Variants in FXN observed in about 807,000 individuals in gnomAD.
FXN encodes frataxin, also known as frataxin, mitochondrial.
Under a neutral mutation model 22.4 loss-of-function variants are expected in FXN, and 14 were observed. The observed-to-expected ratio is 0.62, with a 90% CI of 0.41 to 0.98. The LOEUF (loss-of-function observed/expected upper bound fraction) is 0.98, where lower values mean the gene tolerates loss of function less well. Ranked by LOEUF, FXN falls within the 50% of genes least tolerant of loss-of-function variation. The probability of loss-of-function intolerance (pLI) is 0.00; values close to 1 mark genes in which losing one functional copy is unlikely to be tolerated. For synonymous variants in FXN, 120 were observed against 114.1 expected, an observed-to-expected ratio of 1.05 and a Z score of -0.33; for missense variants, 267 against 268.4, an observed-to-expected ratio of 0.99 and a Z score of 0.04.
intron 4 of FXN, among the ~76,000 whole-genome samples, chr9:69,070,743 C>T (rs1191462817): frequency 6.6e-6 from 1 of 151,302 alleles, no homozygotes; most frequent in Non-Finnish European, 1.5e-5. Flanking sequence ...TTTTTTCTCT[C>T]AGCCTTTCAC....
intron 4 of FXN, chr9:69,071,100 C>CATCA (rs1191763233): frequency 2.1e-6 from 1 of 474,116 alleles, no homozygotes; most frequent in Non-Finnish European, 4.2e-6. Context: ...GACACGTGGG[C>CATCA]ATCAGTGCCT....
At chr9:69,057,854 CTG>C (rs1831988522) in intron 3 of FXN, among the ~76,000 whole-genome samples, 1 of 152,098 alleles carries the variant, frequency 6.6e-6, no homozygotes, top group Non-Finnish European at 1.5e-5. Context: ...ACTGATCCCT[CTG>C]TGTTATAATT....
rs1374789309 is a variant in FXN, at chr9:69,076,686, AG to A, written c.*3926del. 1 of 985,308 alleles carries A rather than the reference AG, an allele frequency of 1.0e-6. No homozygotes were observed. Among genetic ancestry groups the A allele is most frequent in the Non-Finnish European group, 1.2e-6 (1 of 829,940 alleles). 61.0% of individuals were successfully genotyped at this position (985,308 alleles called of 1,614,324 possible). A position where few individuals can be genotyped will look rare whatever the true frequency, so the allele number is the denominator to read the frequency against. ...GGAGTTTGTGTGGACTAACCATGCA[AG>A]GTTGCCAAGGAAAAATCGCTTTACG... is the stretch of plus-strand genomic sequence containing the variant. On this transcript the variant is annotated 3_prime_UTR_variant, in exon 5 of 5. Coordinates refer to ENST00000484259, the MANE Select transcript of FXN (RefSeq NM_000144.5).
chr9:69,036,743 G>T (rs2133088639), intron 1 of FXN, among the ~76,000 whole-genome samples: 1 of 152,314 alleles, frequency 6.6e-6, no homozygotes, highest in East Asian at 1.9e-4. Context: ...CCTTTGGGGG[G>T]TACAAAGAAA....
chr9:69,066,602 G>C (rs1832168897), intron 4 of FXN, among the ~76,000 whole-genome samples: 1 of 152,154 alleles, frequency 6.6e-6, no homozygotes, highest in African/African-American at 2.4e-5. Context: ...GCTTGAGCCT[G>C]TGTGTTCTTA....
chr9:69,049,063 G>A (rs1831808100), intron 2 of FXN, among the ~76,000 whole-genome samples: 1 of 152,146 alleles, frequency 6.6e-6, no homozygotes, highest in Non-Finnish European at 1.5e-5. Flanking sequence ...GGTTGCATAG[G>A]GCCCTTGCAG....
intron 1 of FXN, among the ~76,000 whole-genome samples, chr9:69,045,328 G>C (rs1264052439): frequency 6.6e-6 from 1 of 152,084 alleles, no homozygotes; most frequent in Non-Finnish European, 1.5e-5. Context: ...ATAGGGCTGG[G>C]TGCGGTGGCT....
Position 69,078,993 on chromosome 9 carries a change from A to G in FXN, c.*6231A>G, listed in dbSNP as rs1832419319. Reference sequence around the variant, plus strand: ...GCATCTTGCACAGTTCCTTGCACACAATTAGAGCTCTATAAATGTCAAATA... The same window carrying G: ...GCATCTTGCACAGTTCCTTGCACACGATTAGAGCTCTATAAATGTCAAATA... On this transcript the variant is annotated 3_prime_UTR_variant, in exon 5 of 5. Coordinates refer to ENST00000484259, the MANE Select transcript of FXN (RefSeq NM_000144.5). 1.1e-6 allele frequency: 1 copy of G among 871,354 alleles called. No individual in the cohort carries two copies. The highest frequency in any genetic ancestry group is 1.4e-6 in the Non-Finnish European group (1 of 726,118). The allele number at this position is 871,354 out of a possible 1,614,324, so 54.0% of individuals were successfully genotyped here. A position where few individuals can be genotyped will look rare whatever the true frequency, so the allele number is the denominator to read the frequency against.
intron 1 of FXN, among the ~76,000 whole-genome samples, chr9:69,040,312 C>G (rs551637575): frequency 1.1e-4 from 16 of 152,334 alleles, no homozygotes; most frequent in Admixed American, 2.6e-4. Context: ...CACTCACTTT[C>G]AAATCATTTT....
intron 1 of FXN, among the ~76,000 whole-genome samples, chr9:69,036,916 A>C (rs1318178645): frequency 6.6e-6 from 1 of 152,148 alleles, no homozygotes; most frequent in Non-Finnish European, 1.5e-5. Flanking sequence ...GTCTGGGCAA[A>C]GGCCAGGAAG....
At chr9:69,048,378 G>A (rs1176043648) in intron 2 of FXN, among the ~76,000 whole-genome samples, 1 of 152,070 alleles carries the variant, frequency 6.6e-6, no homozygotes, top group African/African-American at 2.4e-5. Context: ...GCCGAGGTGA[G>A]CAGATCACTG....
chr9:69,040,887 G>T (rs1831645954), intron 1 of FXN, among the ~76,000 whole-genome samples: 1 of 152,072 alleles, frequency 6.6e-6, no homozygotes, highest in African/African-American at 2.4e-5. Flanking sequence ...GGAGCCCAGT[G>T]ACAAGGCATC....
At chr9:69,051,286 G>T (rs1831845058) in intron 2 of FXN, among the ~76,000 whole-genome samples, 2 of 151,778 alleles carry the variant, frequency 1.3e-5, no homozygotes, top group African/African-American at 4.8e-5. Context: ...GGTAGAGACG[G>T]GGTCTCTGTT....
chr9:69,053,120 G>T lies in FXN; in HGVS notation c.264-20G>T. 1 of 1,613,036 alleles carries T rather than the reference G, an allele frequency of 6.2e-7. No individual in the cohort carries two copies. Among genetic ancestry groups the T allele is most frequent in the Non-Finnish European group, 8.5e-7 (1 of 1,179,670 alleles). On this transcript the variant is annotated intron_variant, in intron 2 of 4. Coordinates refer to ENST00000484259, the MANE Select transcript of FXN (RefSeq NM_000144.5). ...GAAGCATTTGGTAATCATGTTTTGG[G>T]TTTTGTGCTTCCTCTGCAGCTCTCT...
At chr9:69,070,817 A>C (rs1239613702) in intron 4 of FXN, among the ~76,000 whole-genome samples, 1 of 145,706 alleles carries the variant, frequency 6.9e-6, no homozygotes, top group African/African-American at 2.6e-5. Flanking sequence ...TTTTTTCTTA[A>C]TTTTATTTAT....
intron 1 of FXN, among the ~76,000 whole-genome samples, chr9:69,037,728 AGTGGCTCAG>A (rs1457040479): frequency 6.6e-6 from 1 of 152,160 alleles, no homozygotes; most frequent in Non-Finnish European, 1.5e-5. Flanking sequence ...GCTGGAGTGC[AGTGGCTCAG>A]TCTCAGCTCA....
intron 4 of FXN, among the ~76,000 whole-genome samples, chr9:69,069,355 A>T (rs1179865916): frequency 6.6e-6 from 1 of 152,114 alleles, no homozygotes; most frequent in Admixed American, 6.5e-5. Flanking sequence ...ACAGAGTGAG[A>T]CTGTCTCAAA....
intron 3 of FXN, among the ~76,000 whole-genome samples, chr9:69,060,295 C>G (rs3793459): frequency 0.42 from 63,223 of 150,770 alleles, 13,481 homozygotes; most frequent in East Asian, 0.57. Flanking sequence ...GGCGTGAACC[C>G]GGGAGGCAGA....
At chr9:69,044,824 C>T (rs890034368) in intron 1 of FXN, among the ~76,000 whole-genome samples, 27 of 152,216 alleles carry the variant, frequency 1.8e-4, no homozygotes, top group Admixed American at 6.5e-5. Context: ...GGATGTCCAG[C>T]AGTTAGGGAC....
Sources: gnomAD v4.1 joint callset for allele counts (sites outside exome capture counted in the v4.1 genomes callset) on GRCh38, gnomAD v4.1.1 for gene constraint, MANE v1.5 for transcripts, NCBI Gene and HGNC (gene_info 2026-07-23, HGNC 2026-07-21) for gene names.